NEFH: variants seen among roughly 807,000 people sequenced by gnomAD.
NEFH encodes the protein neurofilament heavy polypeptide.
Under a neutral mutation model 56.6 loss-of-function variants are expected in NEFH, and 58 were observed. The ratio of observed to expected loss-of-function variants is 1.03; its 90% CI spans 0.83 to 1.28. NEFH has a LOEUF of 1.28. Among genes scored for constraint, NEFH ranks in the 50% most tolerant of loss-of-function variants. NEFH has a pLI of 0.00. For synonymous variants in NEFH, 542 were observed against 545.8 expected (o/e 0.99, Z 0.10); for missense variants, 1,221 against 1,307.6 (o/e 0.93, Z 1.02).
In NEFH at chr22:29,480,755, G is replaced by C. The variant is rs1415124727; in HGVS notation, c.493G>C (p.Gly165Arg). ...GAVLRLGAAR[G>R]QLRLEQEHLL... ...GGTGCTGCGCCTGGGCGCGGCGCGCGGTCAGCTACGCCTGGAGCAGGAGCA... is the reference window on the plus strand; with the variant it reads ...GGTGCTGCGCCTGGGCGCGGCGCGCCGTCAGCTACGCCTGGAGCAGGAGCA... Residue 165 changes from glycine to arginine, a missense_variant, in exon 1 of 4, where the codon GGT becomes CGT. By Grantham distance (125) the Gly-to-Arg change is moderately radical (BLOSUM62 -2). This residue lies in a region of NEFH where 640 missense variants were observed against 555.5 expected (regional missense o/e 1.15). Transcript: ENST00000310624. 1.4e-6 allele frequency: 2 copies of C among 1,448,002 alleles called. No homozygotes were observed. Among genetic ancestry groups the C allele is most frequent in the African/African-American group, 3.0e-5 (2 of 66,540 alleles). 89.7% of individuals were successfully genotyped at this position (1,448,002 alleles called of 1,614,324 possible).
intron 2 of NEFH, among the ~76,000 whole-genome samples, chr22:29,484,782 A>G (rs2063034540): frequency 6.6e-6 from 1 of 151,904 alleles, no homozygotes; most frequent in East Asian, 1.9e-4. Context: ...ACACTGTGGC[A>G]CACTGGAGAA....
At chr22:29,486,394 ACT>A (rs2063044367) in intron 3 of NEFH, among the ~76,000 whole-genome samples, 1 of 151,934 alleles carries the variant, frequency 6.6e-6, no homozygotes, top group Non-Finnish European at 1.5e-5. Flanking sequence ...AGCCATAACC[ACT>A]GTCTGTCTCC....
intron 3 of NEFH, among the ~76,000 whole-genome samples, chr22:29,486,379 T>C (rs1175516808): frequency 1.3e-5 from 2 of 152,068 alleles, no homozygotes; most frequent in African/African-American, 4.8e-5. Flanking sequence ...TTCACATTAC[T>C]GTGCAGCCAT....
intron 3 of NEFH, among the ~76,000 whole-genome samples, chr22:29,487,484 T>G (rs75434609): frequency 5.4e-5 from 7 of 129,812 alleles, no homozygotes; most frequent in Admixed American, 4.4e-4. Context: ...AAAAAAAAAA[T>G]AGCTGGGCAT....
rs1200689019 is a variant in NEFH at position 29,480,863 on chromosome 22, G to A, written c.601G>A (p.Ala201Thr). ...AGAGGAGGCCGAGGCGGCGGCCCGC[G>A]CGCTGGCGCGCTTCGCGCAGGAGGC... ...QREEAEAAARALARFAQEAEA... is the reference protein window; with the variant it reads ...QREEAEAAARTLARFAQEAEA... The change falls in exon 1 of 4, where the codon GCG (alanine) becomes ACG (threonine). Residue 201 changes from alanine (A) to threonine (T), a missense_variant. By Grantham distance (58) the Ala-to-Thr change is moderately conservative. This residue lies in a region of NEFH where 640 missense variants were observed against 555.5 expected (regional missense o/e 1.15). Transcript: ENST00000310624. 7.1e-7 allele frequency: 1 copy of A among 1,399,310 alleles called. No individual in the cohort carries two copies. Among genetic ancestry groups the A allele is most frequent in the Admixed American group, 3.7e-5 (1 of 27,166 alleles). 86.7% of individuals were successfully genotyped at this position (1,399,310 alleles called of 1,614,324 possible).
intron 3 of NEFH, among the ~76,000 whole-genome samples, chr22:29,488,226 T>G (rs2063054915): frequency 6.6e-6 from 1 of 151,988 alleles, no homozygotes; most frequent in Admixed American, 6.6e-5. Flanking sequence ...TAACTGGACG[T>G]GGTGGCGTGC....
In NEFH at chr22:29,480,473, G is replaced by T; in HGVS notation, c.211G>T (p.Ala71Ser). 1.3e-6 allele frequency: 2 copies of T among 1,532,900 alleles called. No homozygotes were observed. Among genetic ancestry groups the T allele is most frequent in the Non-Finnish European group, 1.7e-6 (2 of 1,146,122 alleles). The allele number at this position is 1,532,900 out of a possible 1,614,324, so 95.0% of individuals were successfully genotyped here. ...SPSRFRGAGA[A>S]SSTDSLDTLS... ...CAGCCGCTTCCGTGGCGCAGGCGCCGCCTCAAGCACCGACTCGCTGGACAC... is the reference window on the plus strand; with the variant it reads ...CAGCCGCTTCCGTGGCGCAGGCGCCTCCTCAAGCACCGACTCGCTGGACAC... Residue 71 changes from alanine (A) to serine (S), a missense_variant, in exon 1 of 4, where the codon GCC becomes TCC. This residue lies in a region of NEFH where 640 missense variants were observed against 555.5 expected (regional missense o/e 1.15). Transcript: ENST00000310624.
rs1185981191 is a variant in NEFH at position 29,490,237 on chromosome 22, A to G, written c.2597A>G (p.Lys866Arg). 2 of 1,611,152 alleles carry G rather than the reference A, an allele frequency of 1.2e-6. No homozygotes were observed. Among genetic ancestry groups the G allele is most frequent in the Non-Finnish European group, 1.7e-6 (2 of 1,178,626 alleles). ...KKDSKKEEAP[K>R]KEAPKPKVEE... ...GACAGCAAGAAAGAGGAGGCACCCA[A>G]GAAGGAGGCTCCAAAGCCCAAGGTG... Residue 866 changes from lysine to arginine, a missense_variant, in exon 4 of 4, where the codon AAG becomes AGG. Physicochemically the swap from Lys to Arg is conservative, Grantham distance 26. Transcript: ENST00000310624.
In NEFH at chr22:29,480,911, CAGA is replaced by C; in HGVS notation, c.655_657del (p.Lys219del). 3 of 1,506,550 alleles carry C rather than the reference CAGA, an allele frequency of 2.0e-6. No individual in the cohort carries two copies. Among genetic ancestry groups the C allele is most frequent in the Non-Finnish European group, 2.6e-6 (3 of 1,136,162 alleles). 93.3% of individuals were successfully genotyped at this position (1,506,550 alleles called of 1,614,324 possible). On this transcript the variant is annotated inframe_deletion, in exon 1 of 4. Transcript: ENST00000310624. ...GGCCGAGGCGGCGCGCGTGGACCTG[CAGA>C]AGAAGGCGCAGGCGCTGCAGGAGGA...
In NEFH at chr22:29,483,557, G is replaced by A. The variant is rs565974716; in HGVS notation, c.1066G>A (p.Asp356Asn). ...RSELEDRHQADIASYQEAIQQ... is the reference protein window; with the variant it reads ...RSELEDRHQANIASYQEAIQQ... ...TGAGCTGGAGGACCGTCATCAGGCC[G>A]ACATTGCCTCCTACCAGGTGGGCAG... is the stretch of plus-strand genomic sequence containing the variant. The change falls in exon 2 of 4, where the codon GAC becomes AAC. Residue 356 changes from aspartate (D) to asparagine (N), a missense_variant. Asp to Asn is a conservative substitution (Grantham distance 23, BLOSUM62 1). Around this residue, in one of 4 missense-constraint regions of NEFH, gnomAD observed 640 missense variants for 555.5 expected, o/e 1.15. Coordinates refer to ENST00000310624, the MANE Select transcript of NEFH (RefSeq NM_021076.4). 1.4e-5 allele frequency: 22 copies of A among 1,613,758 alleles called. No individual in the cohort carries two copies. The highest frequency in any genetic ancestry group is 6.6e-5 in the South Asian group (6 of 91,082).
chr22:29,480,959 C>T lies in NEFH; in HGVS notation c.697C>T (p.His233Tyr). Reference sequence around the variant, plus strand: ...GGAGGAGTGCGGCTACCTGCGGCGCCACCACCAGGAAGAGGTGGGCGAGCT... The same window carrying T: ...GGAGGAGTGCGGCTACCTGCGGCGCTACCACCAGGAAGAGGTGGGCGAGCT... Reference protein sequence around the residue: ...LQEECGYLRRHHQEEVGELLG... With the variant: ...LQEECGYLRRYHQEEVGELLG... Residue 233 changes from histidine to tyrosine, a missense_variant, in exon 1 of 4, where the codon CAC (histidine) becomes TAC (tyrosine). His to Tyr is a moderately conservative substitution (Grantham distance 83). Transcript: ENST00000310624. 1 of 1,530,556 alleles carries T rather than the reference C, an allele frequency of 6.5e-7. No individual in the cohort carries two copies. Among genetic ancestry groups the T allele is most frequent in the Non-Finnish European group, 8.7e-7 (1 of 1,145,180 alleles). 94.8% of individuals were successfully genotyped at this position (1,530,556 alleles called of 1,614,324 possible).
rs1401632060 is a variant in NEFH, at chr22:29,480,942, G to C, written c.680G>C (p.Cys227Ser). 6.5e-7 allele frequency: 1 copy of C among 1,529,878 alleles called. No individual in the cohort carries two copies. The allele number at this position is 1,529,878 out of a possible 1,614,324, so 94.8% of individuals were successfully genotyped here. A position where few individuals can be genotyped will look rare whatever the true frequency, so the allele number is the denominator to read the frequency against. Residue 227 changes from cysteine (C) to serine (S), a missense_variant, in exon 1 of 4, where the codon TGC becomes TCC. Transcript: ENST00000310624. ...AAGGCGCAGGCGCTGCAGGAGGAGT[G>C]CGGCTACCTGCGGCGCCACCACCAG... ...QKKAQALQEE[C>S]GYLRRHHQEE...
At position 29,480,958 on chromosome 22, in the gene NEFH, C is replaced by T. The variant is rs1361674947; in HGVS notation, c.696C>T (p.Arg232=). 1.3e-6 allele frequency: 2 copies of T among 1,530,398 alleles called. No homozygotes were observed. Among genetic ancestry groups the T allele is most frequent in the East Asian group, 2.5e-5 (1 of 40,286 alleles). 94.8% of individuals were successfully genotyped at this position (1,530,398 alleles called of 1,614,324 possible). Residue 232 remains arginine, a synonymous_variant, in exon 1 of 4, where the codon CGC becomes CGT. Coordinates refer to ENST00000310624, the MANE Select transcript of NEFH (RefSeq NM_021076.4). ...AGGAGGAGTGCGGCTACCTGCGGCG[C>T]CACCACCAGGAAGAGGTGGGCGAGC... is the stretch of plus-strand genomic sequence containing the variant. ...ALQEECGYLR[R]HHQEEVGELL...
rs2062996880 is a variant in NEFH at position 29,480,453 on chromosome 22, G to A, written c.191G>A (p.Arg64His). ...SVSSVSASPS[R>H]FRGAGAASST... ...AGCTCCGTGTCCGCCTCGCCCAGCCGCTTCCGTGGCGCAGGCGCCGCCTCA... is the reference window on the plus strand; with the variant it reads ...AGCTCCGTGTCCGCCTCGCCCAGCCACTTCCGTGGCGCAGGCGCCGCCTCA... Residue 64 changes from arginine to histidine, a missense_variant, in exon 1 of 4, where the codon CGC becomes CAC. Coordinates refer to ENST00000310624, the MANE Select transcript of NEFH (RefSeq NM_021076.4). The A allele has an allele frequency of 2.6e-6, 4 of 1,532,058 alleles. No individual in the cohort carries two copies. The highest frequency in any genetic ancestry group is 1.7e-6 in the Non-Finnish European group (2 of 1,145,846). 94.9% of individuals were successfully genotyped at this position (1,532,058 alleles called of 1,614,324 possible).
chr22:29,480,713 C>A lies in NEFH; in HGVS notation c.451C>A (p.Arg151Ser). Residue 151 changes from arginine to serine, a missense_variant, in exon 1 of 4, where the codon CGC becomes AGC. Around this residue, in one of 4 missense-constraint regions of NEFH, gnomAD observed 640 missense variants for 555.5 expected, o/e 1.15. Transcript: ENST00000310624. ...AMGELYEREV[R>S]EMRGAVLRLG... ...GGGCGAGCTGTACGAGCGCGAGGTCCGCGAGATGCGCGGCGCGGTGCTGCG... is the reference window on the plus strand; with the variant it reads ...GGGCGAGCTGTACGAGCGCGAGGTCAGCGAGATGCGCGGCGCGGTGCTGCG... The A allele has an allele frequency of 6.6e-7, 1 of 1,512,490 alleles. No homozygotes were observed. 93.7% of individuals were successfully genotyped at this position (1,512,490 alleles called of 1,614,324 possible).
At position 29,490,293 on chromosome 22, in the gene NEFH, C is replaced by G. The variant is rs755331383; in HGVS notation, c.2653C>G (p.Pro885Ala). The change falls in exon 4 of 4, where the codon CCC becomes GCC. Residue 885 changes from proline to alanine, a missense_variant. Around this residue, in one of 4 missense-constraint regions of NEFH, gnomAD observed 301 missense variants for 346.6 expected, o/e 0.87. Coordinates refer to ENST00000310624, the MANE Select transcript of NEFH (RefSeq NM_021076.4). ...GAAGAAGGAACCTGCTGTCGAAAAG[C>G]CCAAAGAATCCAAAGTTGAAGCCAA... ...EEKKEPAVEKPKESKVEAKKE... is the reference protein window; with the variant it reads ...EEKKEPAVEKAKESKVEAKKE... 13 of 1,612,462 alleles carry G rather than the reference C, an allele frequency of 8.1e-6. No homozygotes were observed. In the African/African-American group the frequency reaches 1.5e-4, roughly 18 times the overall value.
intron 3 of NEFH, among the ~76,000 whole-genome samples, chr22:29,488,209 C>T (rs1005250261): frequency 1.3e-5 from 2 of 152,084 alleles, no homozygotes; most frequent in African/African-American, 4.8e-5. Flanking sequence ...ACTAAAAATA[C>T]AAAAATTAAC....
rs1027454094 is a variant in NEFH, at chr22:29,480,449, A to G, written c.187A>G (p.Ser63Gly). ...CGTGAGCTCCGTGTCCGCCTCGCCC[A>G]GCCGCTTCCGTGGCGCAGGCGCCGC... ...TSVSSVSASP[S>G]RFRGAGAASS... Residue 63 changes from serine to glycine, a missense_variant, in exon 1 of 4, where the codon AGC (serine) becomes GGC (glycine). This residue lies in a region of NEFH where 640 missense variants were observed against 555.5 expected (regional missense o/e 1.15). Transcript: ENST00000310624. 23 of 1,531,888 alleles carry G rather than the reference A, an allele frequency of 1.5e-5. No homozygotes were observed. The highest frequency in any genetic ancestry group is 3.9e-5 in the Admixed American group (2 of 50,894). The allele number at this position is 1,531,888 out of a possible 1,614,324, so 94.9% of individuals were successfully genotyped here.
rs1165033613 is a variant in NEFH, at chr22:29,481,121, C to T, written c.859C>T (p.Leu287=). 1.3e-6 allele frequency: 2 copies of T among 1,530,510 alleles called. No homozygotes were observed. The highest frequency in any genetic ancestry group is 2.4e-5 in the South Asian group (2 of 83,890). The allele number at this position is 1,530,510 out of a possible 1,614,324, so 94.8% of individuals were successfully genotyped here. A position where few individuals can be genotyped will look rare whatever the true frequency, so the allele number is the denominator to read the frequency against. ...QLEGHAVQST[L]QSEEWFRVRL... is the part of the protein sequence containing the mutation. ...TGAAGGCCACGCGGTGCAGAGCACGCTGCAGTCCGAGGAGTGGTTCCGAGG... is the reference window on the plus strand; with the variant it reads ...TGAAGGCCACGCGGTGCAGAGCACGTTGCAGTCCGAGGAGTGGTTCCGAGG... The change falls in exon 1 of 4, where the codon CTG becomes TTG. Residue 287 remains leucine, a synonymous_variant. Transcript: ENST00000310624.
Sources: gnomAD v4.1 joint callset for allele counts (sites outside exome capture counted in the v4.1 genomes callset) on GRCh38, gnomAD v4.1.1 for gene constraint, gnomAD v4.1.1 regional missense constraint, MANE v1.5 for transcripts, NCBI Gene and HGNC (gene_info 2026-07-23, HGNC 2026-07-21) for gene names.